Variants in PIP5K1B observed in about 807,000 individuals in gnomAD.
PIP5K1B encodes phosphatidylinositol 4-phosphate 5-kinase type-1 beta.
A neutral mutation model predicts 67.0 loss-of-function variants in PIP5K1B; 42 were observed. The ratio of observed to expected loss-of-function variants is 0.63; its 90% confidence interval spans 0.49 to 0.81. The LOEUF is 0.81. PIP5K1B is among the 30% of genes least tolerant of loss of function. The probability of loss-of-function intolerance (pLI) is 0.00; values close to 1 mark genes in which losing one functional copy is unlikely to be tolerated. For synonymous variants in PIP5K1B, 214 were observed against 231.4 expected, an observed-to-expected ratio of 0.92 and a Z score of 0.68; for missense variants, 459 against 646.3, an observed-to-expected ratio of 0.71 and a Z score of 3.14.
At chr9:68,874,365 T>C (rs1222892480) in intron 5 of PIP5K1B, among the ~76,000 whole-genome samples, 1 of 152,182 alleles carries the variant, frequency 6.6e-6, no homozygotes, top group Non-Finnish European at 1.5e-5. Context: ...AGGAAATAAA[T>C]GTTCCCCTTC....
intron 4 of PIP5K1B, among the ~76,000 whole-genome samples, chr9:68,840,346 C>T (rs1035614520): frequency 1.7e-4 from 26 of 150,832 alleles, no homozygotes; most frequent in South Asian, 1.5e-3. Flanking sequence ...CATTGCACTC[C>T]AGCCTGGGCA....
intron 14 of PIP5K1B, among the ~76,000 whole-genome samples, chr9:68,973,284 A>G (rs756720423): frequency 4.6e-5 from 7 of 152,242 alleles, no homozygotes; most frequent in Middle Eastern, 6.8e-3. Context: ...ATTAACAAGA[A>G]AAAAAAATCT....
At chr9:68,952,133 T>G (rs888184859) in intron 14 of PIP5K1B, among the ~76,000 whole-genome samples, 7 of 152,248 alleles carry the variant, frequency 4.6e-5, no homozygotes, top group Non-Finnish European at 8.8e-5. Flanking sequence ...ATATACTATG[T>G]TTCAGTTTCC....
At chr9:68,833,468 C>A (rs1834428561) in intron 4 of PIP5K1B, among the ~76,000 whole-genome samples, 1 of 152,134 alleles carries the variant, frequency 6.6e-6, no homozygotes, top group Admixed American at 6.5e-5. Context: ...AGCAGCGGTT[C>A]CCAATGGGGG....
At chr9:68,840,268 T>G (rs1401103620) in intron 4 of PIP5K1B, among the ~76,000 whole-genome samples, 1 of 151,890 alleles carries the variant, frequency 6.6e-6, no homozygotes, top group Non-Finnish European at 1.5e-5. Flanking sequence ...TCCCAGCTAC[T>G]TGGGAGGCTG....
chr9:68,902,247 T>C (rs1421489671), intron 8 of PIP5K1B, among the ~76,000 whole-genome samples: 2 of 152,210 alleles, frequency 1.3e-5, no homozygotes, highest in Non-Finnish European at 2.9e-5. Context: ...TGGTACCCTT[T>C]TATAGCCACA....
intron 1 of PIP5K1B, among the ~76,000 whole-genome samples, chr9:68,737,371 G>A (rs1245923919): frequency 6.6e-6 from 1 of 152,126 alleles, no homozygotes; most frequent in Non-Finnish European, 1.5e-5. Flanking sequence ...AGAAGAATGG[G>A]GACAGGATTA....
chr9:68,972,520 A>G (rs1206099931), intron 14 of PIP5K1B, among the ~76,000 whole-genome samples: 1 of 152,210 alleles, frequency 6.6e-6, no homozygotes, highest in Non-Finnish European at 1.5e-5. Flanking sequence ...GTGTGCCTGT[A>G]GTCCCAGTTA....
chr9:68,846,721 T>C (rs890906602), intron 4 of PIP5K1B, among the ~76,000 whole-genome samples: 2 of 152,192 alleles, frequency 1.3e-5, no homozygotes, highest in African/African-American at 4.8e-5. Flanking sequence ...AGCTTTGCTT[T>C]TCTATTTCGT....
intron 8 of PIP5K1B, among the ~76,000 whole-genome samples, chr9:68,902,402 A>G (rs898496183): frequency 2.6e-5 from 4 of 152,330 alleles, no homozygotes; most frequent in Admixed American, 1.3e-4. Context: ...TTTACTCAGC[A>G]TAATGCCATT....
In PIP5K1B at chr9:68,859,691, A is replaced by C. The variant is rs571171286; in HGVS notation, c.70-4146A>C. 3.3e-5 allele frequency among the ~76,000 whole-genome samples: 5 copies of C among 152,308 alleles called. No individual in the cohort carries two copies. The South Asian group carries it at 1.0e-3, about 32-fold the overall frequency. ...GGAAGGAAGGGAGCTCTGGCGGCTT[A>C]GAGTTTTCAGGGAAAGGACTATTGG... On this transcript the variant is annotated intron_variant, in intron 4 of 15. Coordinates refer to ENST00000265382, the MANE Select transcript of PIP5K1B (RefSeq NM_003558.4).
chr9:68,763,298 T>C (rs1167185893), intron 2 of PIP5K1B, among the ~76,000 whole-genome samples: 1 of 152,114 alleles, frequency 6.6e-6, no homozygotes, highest in Non-Finnish European at 1.5e-5. Flanking sequence ...GTGAGATTCA[T>C]GTGGGCATGT....
At chr9:68,878,241 G>A (rs1452704997) in intron 6 of PIP5K1B, among the ~76,000 whole-genome samples, 3 of 152,148 alleles carry the variant, frequency 2.0e-5, no homozygotes, top group Non-Finnish European at 4.4e-5. Context: ...CTCACCAGCT[G>A]AAGAGATGCC....
At chr9:68,789,649 T>A (rs1587453571) in intron 2 of PIP5K1B, 1 of 338,784 alleles carries the variant, frequency 3.0e-6, no homozygotes, top group East Asian at 8.5e-5. Flanking sequence ...GAGGAGTTGA[T>A]CAAGAAAAGT....
intron 14 of PIP5K1B, among the ~76,000 whole-genome samples, chr9:68,988,595 A>T (rs1830204873): frequency 6.6e-6 from 1 of 151,846 alleles, no homozygotes; most frequent in South Asian, 2.1e-4. Context: ...GATTACAGGC[A>T]TGTGCCACCA....
At chr9:68,939,403 A>G (rs1827442945) in intron 13 of PIP5K1B, among the ~76,000 whole-genome samples, 1 of 152,182 alleles carries the variant, frequency 6.6e-6, no homozygotes. Flanking sequence ...ATCTGATATC[A>G]GGTTATTTTT....
intron 1 of PIP5K1B, among the ~76,000 whole-genome samples, chr9:68,714,675 G>A (rs1827548321): frequency 1.3e-5 from 2 of 152,126 alleles, no homozygotes; most frequent in African/African-American, 4.8e-5. Flanking sequence ...TGAGCTCTTG[G>A]ACAGCCTCTG....
At chr9:68,893,259 G>A (rs113798815) in intron 7 of PIP5K1B, among the ~76,000 whole-genome samples, 22 of 150,546 alleles carry the variant, frequency 1.5e-4, no homozygotes, top group Admixed American at 4.0e-4. Flanking sequence ...ACTACATGCC[G>A]TTTTGTAAAC....
At chr9:68,833,026 A>G (rs938560455) in intron 4 of PIP5K1B, among the ~76,000 whole-genome samples, 5 of 152,234 alleles carry the variant, frequency 3.3e-5, no homozygotes, top group Admixed American at 1.3e-4. Flanking sequence ...TCATTTCTCC[A>G]GTTGACAAGT....
Sources: allele counts gnomAD v4.1 joint callset (sites outside exome capture counted in the v4.1 genomes callset), GRCh38; gene constraint gnomAD v4.1.1; transcripts MANE v1.5; gene names NCBI Gene and HGNC (gene_info 2026-07-23, HGNC 2026-07-21).